The following ARHGEF1 variants were observed in gnomAD, a reference collection of about 807,000 sequenced individuals.
The protein encoded by ARHGEF1 is 115 kDa guanine nucleotide exchange factor.
ARHGEF1 carries 40 observed loss-of-function variants against 119.7 expected under a neutral mutation model. The ratio of observed to expected loss-of-function variants is 0.33; its 90% CI spans 0.26 to 0.44. The LOEUF (loss-of-function observed/expected upper bound fraction) is 0.44, where lower values mean the gene tolerates loss of function less well. ARHGEF1 is among the 20% of genes least tolerant of loss of function. The pLI is 1.00. For missense variants in ARHGEF1, 976 were observed against 1,268.3 expected (o/e 0.77, Z 3.50); for synonymous variants, 494 against 521.0 (o/e 0.95, Z 0.71).
chr19:41,927,396 A>C (rs1298757051), intron 1 of ARHGEF1, among the ~76,000 whole-genome samples: 1 of 152,054 alleles, frequency 6.6e-6, no homozygotes, highest in Non-Finnish European at 1.5e-5. Context: ...CAGACCCCAG[A>C]TATCCAGATC....
In ARHGEF1 at chr19:41,916,411, TCA is replaced by T. The variant is rs2074802054; in HGVS notation, c.1866-6678_1866-6677del. 1.3e-5 allele frequency among the ~76,000 whole-genome samples: 2 copies of T among 151,840 alleles called. No homozygotes were observed. The highest frequency in any genetic ancestry group is 2.1e-4 in the South Asian group (1 of 4,814). ...TCAGTAAAGTCACACACCAACACTG[TCA>T]CAGTCACACACACACACATCAGCAT... On this transcript the variant is annotated intron_variant, in intron 18 of 20. Coordinates refer to the ARHGEF1 transcript ENST00000599589. The surrounding 1 kb of genome is among the most constrained non-coding windows in gnomAD (Gnocchi z 5.4).
exon 2 of ARHGEF1, chr19:41,928,898 A>G (rs1331187082): frequency 6.6e-6 from 3 of 456,244 alleles, no homozygotes; most frequent in African/African-American, 4.0e-5. Context: ...CCCCTGCTGG[A>G]CACGCAAGCC....
At chr19:41,900,350 G>A (rs947450884) in intron 14 of ARHGEF1, among the ~76,000 whole-genome samples, 8 of 152,014 alleles carry the variant, frequency 5.3e-5, no homozygotes, top group Non-Finnish European at 1.2e-4. Flanking sequence ...CAAAAAAAAA[G>A]CACTAAATAC....
chr19:41,908,084 G>A, downstream of ARHGEF1: 2 of 566,028 alleles, frequency 3.5e-6, no homozygotes, highest in Non-Finnish European at 5.3e-6. This position sits in a 1 kb window ranked among gnomAD's most constrained non-coding sequence, Gnocchi z 6.7. Flanking sequence ...CCCCACTCTG[G>A]GGCTGGGGAA....
In ARHGEF1 at chr19:41,888,894, AG is replaced by A. The variant is rs1555845750; in HGVS notation, c.225+33del. The A allele has an allele frequency of 1.3e-6, 2 of 1,521,916 alleles. No homozygotes were observed. Among genetic ancestry groups the A allele is most frequent in the South Asian group, 1.1e-5 (1 of 88,652 alleles). The allele number at this position is 1,521,916 out of a possible 1,614,324, so 94.3% of individuals were successfully genotyped here. A position where few individuals can be genotyped will look rare whatever the true frequency, so the allele number is the denominator to read the frequency against. ...AGGGCAGGGCTGGGTGGGCACAGGG[AG>A]GGGTGGGGCTGGGACAGGCACAGCT... On this transcript the variant is annotated intron_variant, in intron 4 of 28. Transcript: ENST00000354532. This position sits in a 1 kb window ranked among gnomAD's most constrained non-coding sequence, Gnocchi z 5.1.
At chr19:41,923,359 G>C (rs2074852725) in intron 1 of ARHGEF1, 1 of 351,736 alleles carries the variant, frequency 2.8e-6, no homozygotes, top group African/African-American at 2.1e-5. Context: ...GAGAAACTGA[G>C]AGAGAGTCAG....
At chr19:41,920,023 C>T (rs1185005892), upstream of ARHGEF1, among the ~76,000 whole-genome samples, 12 of 129,766 alleles carry the variant, frequency 9.2e-5, no homozygotes, top group South Asian at 1.4e-3. Flanking sequence ...AGACATGACG[C>T]GCTCACAGAC....
downstream of ARHGEF1, among the ~76,000 whole-genome samples, chr19:41,912,196 C>A: frequency 6.6e-6 from 1 of 152,330 alleles, no homozygotes; most frequent in East Asian, 1.9e-4. Flanking sequence ...CACACAAAGA[C>A]AGGCTGTGCA....
intron 13 of ARHGEF1, chr19:41,897,200 G>A: frequency 9.2e-7 from 1 of 1,091,200 alleles, no homozygotes; most frequent in Non-Finnish European, 1.2e-6. Context: ...TGGGGGGCAG[G>A]CTCTGCCTCC....
upstream of ARHGEF1, among the ~76,000 whole-genome samples, chr19:41,919,512 TAC>T (rs60525805): frequency 6.7e-3 from 979 of 145,570 alleles, 4 homozygotes; most frequent in East Asian, 0.023. Flanking sequence ...CGTGCACGCG[TAC>T]ACACACACAC....
downstream of ARHGEF1, among the ~76,000 whole-genome samples, chr19:41,909,691 G>T (rs1227402488): frequency 2.0e-5 from 3 of 152,120 alleles, no homozygotes; most frequent in African/African-American, 7.2e-5. The surrounding 1 kb of genome is among the most constrained non-coding windows in gnomAD (Gnocchi z 5.2). Flanking sequence ...CAGGTTTAGG[G>T]GTCCCTCCTC....
intron 13 of ARHGEF1, chr19:41,897,282 C>G: frequency 7.8e-7 from 1 of 1,280,540 alleles, no homozygotes; most frequent in Non-Finnish European, 1.0e-6. Flanking sequence ...TCCATCTGGG[C>G]CCACCTCTGA....
chr19:41,897,744 G>GGTCTCTCCCCGTCTCTGTCCCTGTCCTC, intron 13 of ARHGEF1: 1 of 484,298 alleles, frequency 2.1e-6, no homozygotes. Flanking sequence ...TCCCTGTCCT[G>GGTCTCTCCCCGTCTCTGTCCCTGTCCTC]GTCTCTCCCC....
intron 18 of ARHGEF1, among the ~76,000 whole-genome samples, chr19:41,915,213 C>A (rs2074793063): frequency 6.8e-6 from 1 of 148,036 alleles, no homozygotes; most frequent in Non-Finnish European, 1.5e-5. Context: ...CCGCCGCCTC[C>A]TCCGGACACG....
At chr19:41,884,283 C>A (rs1358027936) in intron 1 of ARHGEF1, 8 of 823,396 alleles carry the variant, frequency 9.7e-6, no homozygotes, top group Non-Finnish European at 1.5e-5. Context: ...CAGTACAGCG[C>A]TAGAGCGGCC....
intron 4 of ARHGEF1, among the ~76,000 whole-genome samples, chr19:41,891,431 C>T (rs2123399766): frequency 6.6e-6 from 1 of 152,222 alleles, no homozygotes; most frequent in Middle Eastern, 3.4e-3. Context: ...TCACAGGTGC[C>T]CACCACCACA....
intron 18 of ARHGEF1, among the ~76,000 whole-genome samples, chr19:41,914,630 TCTCTGTCTCTCC>T: frequency 3.2e-5 from 1 of 31,686 alleles, no homozygotes; most frequent in Non-Finnish European, 5.3e-5. Context: ...ACCATCTCTG[TCTCTGTCTCTCC>T]CTCCCTTTCC....
chr19:41,905,650 GTC>G lies in ARHGEF1; in HGVS notation c.2337-106_2337-105del. ...TCCCTGTCTCCCGGCCTCGACCTCTGTCTCTGTCTCCGGACCTCCCTGCCTCC... is the reference window on the plus strand; with the variant it reads ...TCCCTGTCTCCCGGCCTCGACCTCTGTCTGTCTCCGGACCTCCCTGCCTCC... On this transcript the variant is annotated intron_variant, in intron 24 of 28. Coordinates refer to ENST00000354532, the MANE Select transcript of ARHGEF1 (RefSeq NM_004706.4). This position sits in a 1 kb window ranked among gnomAD's most constrained non-coding sequence, Gnocchi z 6.4. 2 of 1,150,934 alleles carry G rather than the reference GTC, an allele frequency of 1.7e-6. No homozygotes were observed. Among genetic ancestry groups the G allele is most frequent in the South Asian group, 1.3e-5 (1 of 74,154 alleles). 71.3% of individuals were successfully genotyped at this position (1,150,934 alleles called of 1,614,324 possible). A position where few individuals can be genotyped will look rare whatever the true frequency, so the allele number is the denominator to read the frequency against.
At chr19:41,924,564 G>T (rs1373401422) in intron 1 of ARHGEF1, among the ~76,000 whole-genome samples, 2 of 151,612 alleles carry the variant, frequency 1.3e-5, no homozygotes. Flanking sequence ...ATATGGGGAG[G>T]GTAGGTGTTA....
Sources: gnomAD v4.1 joint callset for allele counts (sites outside exome capture counted in the v4.1 genomes callset) on GRCh38, gnomAD v4.1.1 for gene constraint, Gnocchi (gnomAD v3.1) non-coding constraint, MANE v1.5 for transcripts, NCBI Gene and HGNC (gene_info 2026-07-23, HGNC 2026-07-21) for gene names.